Variants in MAGI1 observed in about 807,000 individuals in gnomAD.
MAGI1 encodes the protein membrane-associated guanylate kinase, WW and PDZ domain-containing protein 1.
A neutral mutation model predicts 139.9 loss-of-function variants in MAGI1; 58 were observed. That is an observed-to-expected ratio of 0.41 (90% CI 0.34 to 0.52). The LOEUF is 0.52. Ranked by LOEUF, MAGI1 falls within the 20% of genes least tolerant of loss-of-function variation. The pLI, the probability that MAGI1 is intolerant of heterozygous loss-of-function variation, is 0.12. For synonymous variants in MAGI1, 812 were observed against 737.9 expected, an observed-to-expected ratio of 1.10 and a Z score of -1.63; for missense variants, 1,874 against 1,901.6, an observed-to-expected ratio of 0.99 and a Z score of 0.27.
In MAGI1 at chr3:65,680,894, A is replaced by G. The variant is rs985007223; in HGVS notation, c.314-58806T>C. Among the ~76,000 whole-genome samples the G allele has an allele frequency of 6.8e-4, 104 of 152,232 alleles. 1 individual carries two copies. The highest frequency in any genetic ancestry group is 2.5e-3 in the African/African-American group (103 of 41,462). On this transcript the variant is annotated intron_variant, in intron 1 of 22. Transcript: ENST00000402939. ...CCTCCCAGGCAAGTCGAGAAAATAT[A>G]GTGTGAGTTTTTCTTGTAATGGGAC...
At position 65,659,873 on chromosome 3, in the gene MAGI1, T is replaced by A. The variant is rs202224482; in HGVS notation, c.314-37785A>T. ...GGGTTCTACATTTCTCAACCCCCAA[T>A]CTCCAAATGAGTGGATGGCAAAGGT... On this transcript the variant is annotated intron_variant, in intron 1 of 22. Transcript: ENST00000402939. Among the ~76,000 whole-genome samples the A allele has an allele frequency of 2.0e-5, 3 of 152,134 alleles. No homozygotes were observed. In the East Asian group the frequency reaches 5.8e-4, roughly 30 times the overall value.
intron 1 of MAGI1, among the ~76,000 whole-genome samples, chr3:65,955,955 T>G (rs1156610761): frequency 6.6e-6 from 1 of 152,034 alleles, no homozygotes; most frequent in African/African-American, 2.4e-5. Context: ...GATTTCCTTC[T>G]CCACTGCCCA....
At chr3:65,756,029 T>C (rs2036534425) in intron 1 of MAGI1, among the ~76,000 whole-genome samples, 1 of 152,204 alleles carries the variant, frequency 6.6e-6, no homozygotes, top group Admixed American at 6.5e-5. Flanking sequence ...ACTTTCACAA[T>C]GAAAGATTCC....
intron 2 of MAGI1, among the ~76,000 whole-genome samples, chr3:65,613,264 G>C (rs1450567600): frequency 6.6e-6 from 1 of 152,094 alleles, no homozygotes; most frequent in Non-Finnish European, 1.5e-5. Context: ...TGCCCTACAG[G>C]GTTCAGAGAT....
intron 2 of MAGI1, among the ~76,000 whole-genome samples, chr3:65,536,387 T>C (rs2078959151): frequency 6.6e-6 from 1 of 152,142 alleles, no homozygotes; most frequent in African/African-American, 2.4e-5. Flanking sequence ...CATATCTCTC[T>C]CCCTGAAATA....
At chr3:66,001,297 A>T (rs1210768325) in intron 1 of MAGI1, among the ~76,000 whole-genome samples, 3 of 152,170 alleles carry the variant, frequency 2.0e-5, no homozygotes, top group Non-Finnish European at 4.4e-5. Flanking sequence ...TCAAAAAGAA[A>T]ATTTTAAAAT....
At chr3:65,661,746 T>G (rs867889672) in intron 1 of MAGI1, among the ~76,000 whole-genome samples, 9 of 15,248 alleles carry the variant, frequency 5.9e-4, no homozygotes, top group South Asian at 8.6e-3. Flanking sequence ...TTTTTTTCTG[T>G]TTTTTTTTTT....
chr3:65,897,897 G>GAA (rs35521432), intron 1 of MAGI1, among the ~76,000 whole-genome samples: 14 of 148,336 alleles, frequency 9.4e-5, no homozygotes, highest in South Asian at 4.3e-4. Flanking sequence ...GAAAAGGGGG[G>GAA]AAAAAAAAAA....
intron 12 of MAGI1, among the ~76,000 whole-genome samples, chr3:65,413,810 G>A (rs1945983272): frequency 6.6e-6 from 1 of 152,156 alleles, no homozygotes; most frequent in African/African-American, 2.4e-5. Context: ...GTTAGGACAA[G>A]CCTCAATTAG....
At chr3:65,484,499 T>C (rs1038415876) in intron 3 of MAGI1, among the ~76,000 whole-genome samples, 8 of 152,152 alleles carry the variant, frequency 5.3e-5, no homozygotes, top group Admixed American at 2.6e-4. Flanking sequence ...TACAAAAACC[T>C]TACTCTCTTT....
intron 2 of MAGI1, among the ~76,000 whole-genome samples, chr3:65,582,465 G>A (rs561730302): frequency 1.3e-5 from 2 of 152,134 alleles, no homozygotes; most frequent in African/African-American, 2.4e-5. Flanking sequence ...TAATGGAGAG[G>A]ATGATTTTAA....
intron 1 of MAGI1, among the ~76,000 whole-genome samples, chr3:65,937,232 G>A (rs2063107095): frequency 6.6e-6 from 1 of 152,080 alleles, no homozygotes; most frequent in Non-Finnish European, 1.5e-5. Flanking sequence ...TCAAAAGAAT[G>A]GCAGCCTGAC....
chr3:65,796,572 T>A (rs2108101945), intron 1 of MAGI1, among the ~76,000 whole-genome samples: 1 of 152,312 alleles, frequency 6.6e-6, no homozygotes, highest in African/African-American at 2.4e-5. Flanking sequence ...GCTATATCTA[T>A]GTGGGGCAAG....
intron 2 of MAGI1, among the ~76,000 whole-genome samples, chr3:65,602,337 G>T (rs2082520413): frequency 6.6e-6 from 1 of 152,082 alleles, no homozygotes; most frequent in Non-Finnish European, 1.5e-5. Context: ...ATAAAATGTG[G>T]CACACCCATA....
Position 65,918,310 on chromosome 3 carries a change from C to T in MAGI1, c.313+119686G>A, listed in dbSNP as rs567521354. On this transcript the variant is annotated intron_variant, in intron 1 of 22. Transcript: ENST00000402939. Reference sequence around the variant, plus strand: ...GTCAATTTTCTGCACTCTACTTTTGCTTCTCTTGGTTAAAAATCTGGGGTT... The same window carrying T: ...GTCAATTTTCTGCACTCTACTTTTGTTTCTCTTGGTTAAAAATCTGGGGTT... Among the ~76,000 whole-genome samples, 14 of 151,732 alleles carry T rather than the reference C, an allele frequency of 9.2e-5. No homozygotes were observed. In the South Asian group the frequency reaches 2.9e-3, roughly 32 times the overall value.
At chr3:65,394,605 T>C (rs569536874) in intron 13 of MAGI1, among the ~76,000 whole-genome samples, 1 of 151,834 alleles carries the variant, frequency 6.6e-6, no homozygotes, top group East Asian at 2.0e-4. Context: ...TTTGAAGACA[T>C]ATTCTGTAAT....
intron 1 of MAGI1, among the ~76,000 whole-genome samples, chr3:65,813,081 T>TA (rs2041380510): frequency 6.6e-6 from 1 of 151,004 alleles, no homozygotes. Context: ...AACATAAAAA[T>TA]ACACAGTCAC....
chr3:65,930,392 C>T (rs1239913065), intron 1 of MAGI1, among the ~76,000 whole-genome samples: 11 of 149,440 alleles, frequency 7.4e-5, no homozygotes, highest in Non-Finnish European at 8.9e-5. Flanking sequence ...GTGTCTCAGT[C>T]TTTACTACTA....
chr3:65,808,236 T>G (rs988913523), intron 1 of MAGI1, among the ~76,000 whole-genome samples: 1 of 152,112 alleles, frequency 6.6e-6, no homozygotes, highest in Non-Finnish European at 1.5e-5. Context: ...CCACCCGCCT[T>G]GGCCTCCCAA....
Sources: allele counts gnomAD v4.1 joint callset (sites outside exome capture counted in the v4.1 genomes callset), GRCh38; gene constraint gnomAD v4.1.1; transcripts MANE v1.5; gene names NCBI Gene and HGNC (gene_info 2026-07-23, HGNC 2026-07-21).